The following XRN2 variants were observed in gnomAD, a reference collection of about 807,000 sequenced individuals.
The protein encoded by XRN2 is DHM1-like protein.
XRN2 carries 44 observed loss-of-function variants against 138.5 expected under a neutral mutation model. The observed-to-expected ratio is 0.32, with a 90% CI of 0.25 to 0.41. The LOEUF (loss-of-function observed/expected upper bound fraction) is 0.41, where lower values mean the gene tolerates loss of function less well. XRN2 is among the 10% of genes least tolerant of loss of function. The pLI, the probability that XRN2 is intolerant of heterozygous loss-of-function variation, is 1.00. For synonymous variants in XRN2, 354 were observed against 369.4 expected (o/e 0.96, Z 0.48); for missense variants, 937 against 1,169.3 (o/e 0.80, Z 2.90).
intron 1 of XRN2, among the ~76,000 whole-genome samples, chr20:21,312,275 G>C (rs1296923024): frequency 6.6e-6 from 1 of 151,966 alleles, no homozygotes; most frequent in East Asian, 2.0e-4. Flanking sequence ...ACCATGCCCA[G>C]CTAAGTTTTT....
At chr20:21,331,861 T>C (rs2038214521) in intron 8 of XRN2, 43 bp downstream of exon 8, 3 of 1,600,408 alleles carry the variant, frequency 1.9e-6, no homozygotes, top group Non-Finnish European at 2.6e-6. Flanking sequence ...GATTAAACCA[T>C]AGCAAGTTGA....
chr20:21,303,770 T>C, intron 1 of XRN2: 1 of 1,169,304 alleles, frequency 8.6e-7, no homozygotes, highest in Non-Finnish European at 1.1e-6. Context: ...CCCCGCCCAC[T>C]GCTTTGTTTC....
At position 21,325,499 on chromosome 20, in the gene XRN2, T is replaced by C. The variant is rs141593341; in HGVS notation, c.76-780T>C. Among the ~76,000 whole-genome samples, 506 of 152,342 alleles carry C rather than the reference T, an allele frequency of 3.3e-3. 4 individuals are homozygous for C. Among genetic ancestry groups the C allele is most frequent in the African/African-American group, 0.012 (486 of 41,584 alleles). Reference sequence around the variant, plus strand: ...CTTGGGAGATATGTACAAGGTGTTATAAAGTGAGTGACATTTGATTTGAGT... The same window carrying C: ...CTTGGGAGATATGTACAAGGTGTTACAAAGTGAGTGACATTTGATTTGAGT... On this transcript the variant is annotated intron_variant, in intron 1 of 29. Coordinates refer to ENST00000377191, the MANE Select transcript of XRN2 (RefSeq NM_012255.5).
intron 24 of XRN2, among the ~76,000 whole-genome samples, chr20:21,359,875 C>T (rs751607884): frequency 1.3e-5 from 2 of 151,782 alleles, no homozygotes; most frequent in African/African-American, 4.8e-5. Context: ...TCTTTTGACT[C>T]CTGGCATTTT....
chr20:21,381,308 C>T (rs895810034), intron 27 of XRN2, among the ~76,000 whole-genome samples: 7 of 152,152 alleles, frequency 4.6e-5, no homozygotes, highest in Admixed American at 4.6e-4. Flanking sequence ...TGACTGCAAG[C>T]TGTGGTTCGC....
At chr20:21,359,352 T>C (rs2038611273) in intron 24 of XRN2, among the ~76,000 whole-genome samples, 1 of 152,032 alleles carries the variant, frequency 6.6e-6, no homozygotes, top group African/African-American at 2.4e-5. Context: ...CTGGCCAACA[T>C]GGTGAAACCC....
At chr20:21,333,484 G>C (rs1396282099) in intron 9 of XRN2, 60 bp from the exon 10 acceptor site, 1 of 1,570,486 alleles carries the variant, frequency 6.4e-7, no homozygotes, top group African/African-American at 1.4e-5. Context: ...AATTTGCTTG[G>C]TTGGAAAAAA....
chr20:21,339,214 A>G, intron 14 of XRN2, 126 bp downstream of exon 14: 2 of 911,164 alleles, frequency 2.2e-6, no homozygotes, highest in South Asian at 3.3e-5. Context: ...GTGTCCACCC[A>G]GTTACCTTTT....
rs1337509864 is a variant in XRN2, at chr20:21,365,586, G to A, written c.2338G>A (p.Val780Ile). ...TTAAATGGTCAGAAAGCCAGCAGCA[G>A]TACTGAAACCTAGTGACTGGGAAAA... is the stretch of plus-strand genomic sequence containing the variant. ...MLPGARKPAAVLKPSDWEKSS... is the reference protein window; with the variant it reads ...MLPGARKPAAILKPSDWEKSS... Residue 780 changes from valine to isoleucine, a missense_variant, in exon 26 of 30, where the codon GTA (valine) becomes ATA (isoleucine). By Grantham distance (29) the Val-to-Ile change is conservative. Around this residue, in one of 6 missense-constraint regions of XRN2, gnomAD observed 372 missense variants for 414.4 expected, o/e 0.90. Transcript: ENST00000377191. 1.2e-6 allele frequency: 2 copies of A among 1,613,278 alleles called. No homozygotes were observed. The highest frequency in any genetic ancestry group is 2.2e-5 in the East Asian group (1 of 44,852).
intron 29 of XRN2, among the ~76,000 whole-genome samples, chr20:21,387,757 C>T (rs2038950537): frequency 6.6e-6 from 1 of 152,160 alleles, no homozygotes; most frequent in Non-Finnish European, 1.5e-5. Flanking sequence ...GAGTTTGGCA[C>T]CTGCAGTGAT....
chr20:21,389,354 TC>T lies in XRN2; in HGVS notation c.*19del. 6.2e-7 allele frequency: 1 copy of T among 1,607,268 alleles called. No homozygotes were observed. Among genetic ancestry groups the T allele is most frequent in the Non-Finnish European group, 8.5e-7 (1 of 1,176,400 alleles). On this transcript the variant is annotated 3_prime_UTR_variant, in exon 30 of 30. Coordinates refer to ENST00000377191, the MANE Select transcript of XRN2 (RefSeq NM_012255.5). ...TTGGAATTAAGCTTTTGTAAAGCTT[TC>T]CCAAATCCTTTCATCATTCTACAGT...
At chr20:21,328,833 A>G (rs1431529763) in intron 4 of XRN2, among the ~76,000 whole-genome samples, 163 bp downstream of exon 4, 2 of 152,160 alleles carry the variant, frequency 1.3e-5, no homozygotes, top group Admixed American at 6.5e-5. Flanking sequence ...AAATCTACCA[A>G]TAGGCTTAAT....
chr20:21,365,547 T>C (rs1159288262), intron 25 of XRN2, 26 bp from the exon 26 acceptor site: 3 of 1,613,312 alleles, frequency 1.9e-6, no homozygotes, highest in Middle Eastern at 1.6e-4. Context: ...TCCCTATTAC[T>C]AAGTGTTGTC....
chr20:21,332,251 T>A (rs753602060), intron 8 of XRN2, 32 bp from the exon 9 acceptor site: 1 of 1,598,802 alleles, frequency 6.3e-7, no homozygotes, highest in South Asian at 1.1e-5. Flanking sequence ...GAATACTCAC[T>A]GTTCGATGTT....
chr20:21,315,179 C>CAAG (rs1296313364), intron 1 of XRN2, among the ~76,000 whole-genome samples: 3 of 152,184 alleles, frequency 2.0e-5, no homozygotes, highest in African/African-American at 7.2e-5. Context: ...GGGACAGGAG[C>CAAG]AAGGCTGGAC....
At chr20:21,359,403 G>A (rs563250106) in intron 24 of XRN2, among the ~76,000 whole-genome samples, 1 of 151,906 alleles carries the variant, frequency 6.6e-6, no homozygotes, top group African/African-American at 2.4e-5. Context: ...GGGCATGGTG[G>A]TGCATGCCTA....
intron 1 of XRN2, among the ~76,000 whole-genome samples, chr20:21,325,771 T>C (rs2038118887): frequency 6.6e-6 from 1 of 152,164 alleles, no homozygotes; most frequent in African/African-American, 2.4e-5. Flanking sequence ...GACGTACACT[T>C]TTATGTTTTA....
At chr20:21,366,137 AAC>A (rs2038697101) in intron 26 of XRN2, among the ~76,000 whole-genome samples, 1 of 76,576 alleles carries the variant, frequency 1.3e-5, no homozygotes, top group Non-Finnish European at 2.3e-5. Flanking sequence ...TTATATATAT[AAC>A]ATATATAAAT....
intron 1 of XRN2, among the ~76,000 whole-genome samples, chr20:21,315,998 A>T (rs1321397611): frequency 6.6e-6 from 1 of 152,208 alleles, no homozygotes; most frequent in Non-Finnish European, 1.5e-5. Context: ...CACGCTTGTA[A>T]TCGCAGCACT....
Sources: allele counts gnomAD v4.1 joint callset (sites outside exome capture counted in the v4.1 genomes callset), GRCh38; gene constraint gnomAD v4.1.1; regional missense constraint gnomAD v4.1.1; transcripts MANE v1.5; gene names NCBI Gene and HGNC (gene_info 2026-07-23, HGNC 2026-07-21).